Variants in GPC5 observed in about 807,000 individuals in gnomAD.
GPC5 encodes the protein glypican-5.
In GPC5, 47 loss-of-function variants were observed where a neutral mutation model predicts 53.9. The observed-to-expected ratio is 0.87, with a 90% CI of 0.69 to 1.11. The LOEUF (loss-of-function observed/expected upper bound fraction) is 1.11, where lower values mean the gene tolerates loss of function less well. Among genes scored for constraint, GPC5 ranks in the 50% most tolerant of loss-of-function variants. GPC5 has a pLI of 0.00. For missense variants in GPC5, 748 were observed against 713.1 expected (o/e 1.05, Z -0.56); for synonymous variants, 286 against 263.3 (o/e 1.09, Z -0.84).
intron 4 of GPC5, among the ~76,000 whole-genome samples, chr13:91,746,140 G>A (rs1010007151): frequency 6.6e-6 from 1 of 152,128 alleles, no homozygotes; most frequent in Non-Finnish European, 1.5e-5. Context: ...CATTTTAAAC[G>A]TCTACTGTTT....
intron 7 of GPC5, among the ~76,000 whole-genome samples, chr13:92,846,655 G>A (rs1878621701): frequency 6.6e-6 from 1 of 151,026 alleles, no homozygotes; most frequent in Non-Finnish European, 1.5e-5. Flanking sequence ...AGAGTGAAAT[G>A]AGAGAGTTTT....
chr13:92,587,949 G>A (rs1247053784), intron 7 of GPC5, among the ~76,000 whole-genome samples: 1 of 151,844 alleles, frequency 6.6e-6, no homozygotes, highest in African/African-American at 2.4e-5. Flanking sequence ...GGATACATGT[G>A]CTGAACATGC....
intron 7 of GPC5, among the ~76,000 whole-genome samples, chr13:92,668,366 G>A (rs1389554853): frequency 4.6e-5 from 7 of 152,064 alleles, no homozygotes; most frequent in African/African-American, 7.2e-5. Flanking sequence ...CAATTTTGGA[G>A]GGCAGAGAAA....
intron 5 of GPC5, among the ~76,000 whole-genome samples, chr13:91,890,326 ACT>A (rs1007536243): frequency 2.0e-5 from 3 of 152,044 alleles, no homozygotes; most frequent in Admixed American, 6.6e-5. Flanking sequence ...AAAATAAATG[ACT>A]CTATTTTAAT....
rs1334467319 is a variant in GPC5, at chr13:91,399,030, G to T, written c.-17G>T. On this transcript the variant is annotated 5_prime_UTR_variant, in exon 1 of 8. Coordinates refer to ENST00000377067, the MANE Select transcript of GPC5 (RefSeq NM_004466.6). ...AGTGGGGTCCACTGGCGGGTAAAGG[G>T]GACCAGGACGGCGAGGATGGACGCA... is the stretch of plus-strand genomic sequence containing the variant. 6.5e-7 allele frequency: 1 copy of T among 1,538,932 alleles called. No individual in the cohort carries two copies. Among genetic ancestry groups the T allele is most frequent in the Admixed American group, 2.0e-5 (1 of 50,414 alleles).
At chr13:92,128,909 G>A (rs2041721422) in intron 6 of GPC5, among the ~76,000 whole-genome samples, 1 of 152,190 alleles carries the variant, frequency 6.6e-6, no homozygotes, top group African/African-American at 2.4e-5. Context: ...GTTGCAGTGA[G>A]CCAACATTGT....
At chr13:92,131,529 C>T (rs1428184118) in intron 6 of GPC5, among the ~76,000 whole-genome samples, 1 of 151,962 alleles carries the variant, frequency 6.6e-6, no homozygotes, top group Non-Finnish European at 1.5e-5. Context: ...ATATAAGAAT[C>T]TCATAAATGT....
chr13:91,432,461 T>C (rs1005132220), intron 1 of GPC5, among the ~76,000 whole-genome samples: 1 of 152,190 alleles, frequency 6.6e-6, no homozygotes, highest in Non-Finnish European at 1.5e-5. Flanking sequence ...TGAACATTAA[T>C]CAACCATTGC....
chr13:92,312,942 A>C (rs2043155159), intron 7 of GPC5, among the ~76,000 whole-genome samples: 1 of 152,200 alleles, frequency 6.6e-6, no homozygotes, highest in South Asian at 2.1e-4. Flanking sequence ...AATTAATTTC[A>C]AAATGCCTTT....
At chr13:92,548,130 C>A (rs915661653) in intron 7 of GPC5, among the ~76,000 whole-genome samples, 11 of 151,742 alleles carry the variant, frequency 7.2e-5, no homozygotes, top group Admixed American at 3.3e-4. Context: ...TGAGCCACTG[C>A]GCCCGGCCAT....
chr13:92,683,234 A>T (rs1887160885), intron 7 of GPC5, among the ~76,000 whole-genome samples: 2 of 152,174 alleles, frequency 1.3e-5, no homozygotes, highest in Non-Finnish European at 2.9e-5. Context: ...AAGGAAAGAG[A>T]GAGAAAACGT....
At chr13:92,529,434 C>T (rs947620145) in intron 7 of GPC5, among the ~76,000 whole-genome samples, 1 of 152,130 alleles carries the variant, frequency 6.6e-6, no homozygotes, top group Admixed American at 6.6e-5. Context: ...TTATAATAAA[C>T]ATATTTTTAC....
chr13:91,693,910 G>A (rs2035823078), intron 3 of GPC5, 29 bp downstream of exon 3: 3 of 1,509,580 alleles, frequency 2.0e-6, no homozygotes, highest in Non-Finnish European at 2.7e-6. Flanking sequence ...TTTTCAGTCT[G>A]ACTTCTTGTA....
intron 5 of GPC5, among the ~76,000 whole-genome samples, chr13:91,759,209 G>A (rs1318865312): frequency 6.6e-6 from 1 of 151,964 alleles, no homozygotes. Flanking sequence ...TTTTAGTCAT[G>A]ACTCAGTCAA....
intron 7 of GPC5, among the ~76,000 whole-genome samples, chr13:92,368,255 G>C (rs1379922277): frequency 1.3e-5 from 2 of 151,678 alleles, no homozygotes. Context: ...AAAGTGCTGG[G>C]ATTACAGGTG....
chr13:92,125,929 T>G (rs1566446369), intron 6 of GPC5, among the ~76,000 whole-genome samples: 21 of 3,638 alleles, frequency 5.8e-3, no homozygotes, highest in African/African-American at 9.1e-3. Flanking sequence ...TTTTGGTTTT[T>G]TTTTTTTTTT....
At chr13:91,728,479 C>A in intron 3 of GPC5, 53 bp from the exon 4 acceptor site, 1 of 1,550,964 alleles carries the variant, frequency 6.4e-7, no homozygotes, top group South Asian at 1.3e-5. Flanking sequence ...ATCACATTCT[C>A]AGAAAGGTGG....
chr13:92,475,040 G>C (rs1023224559), intron 7 of GPC5, among the ~76,000 whole-genome samples: 4 of 152,024 alleles, frequency 2.6e-5, no homozygotes, highest in Non-Finnish European at 5.9e-5. Context: ...TTTTTAACTA[G>C]TAAATTATAA....
chr13:91,681,493 C>T (rs1278654555), intron 2 of GPC5, among the ~76,000 whole-genome samples: 1 of 152,178 alleles, frequency 6.6e-6, no homozygotes, highest in Non-Finnish European at 1.5e-5. Context: ...GGAATTTATG[C>T]AGCATCACCA....
Sources: allele counts gnomAD v4.1 joint callset (sites outside exome capture counted in the v4.1 genomes callset), GRCh38; gene constraint gnomAD v4.1.1; transcripts MANE v1.5; gene names NCBI Gene and HGNC (gene_info 2026-07-23, HGNC 2026-07-21).